Variants in GALNTL6 observed in about 807,000 individuals in gnomAD.
GALNTL6 encodes the protein polypeptide N-acetylgalactosaminyltransferase like 6.
A neutral mutation model predicts 73.7 loss-of-function variants in GALNTL6; 46 were observed. The observed-to-expected ratio is 0.62, with a 90% CI of 0.49 to 0.80. The LOEUF (loss-of-function observed/expected upper bound fraction) is 0.80, where lower values mean the gene tolerates loss of function less well. GALNTL6 is among the 30% of genes least tolerant of loss of function. The probability of loss-of-function intolerance (pLI) is 0.00; values close to 1 mark genes in which losing one functional copy is unlikely to be tolerated. For synonymous variants in GALNTL6, 259 were observed against 263.7 expected (o/e 0.98, Z 0.17); for missense variants, 604 against 755.0 (o/e 0.80, Z 2.34).
At chr4:172,641,560 C>T (rs578262476) in intron 5 of GALNTL6, among the ~76,000 whole-genome samples, 7 of 152,126 alleles carry the variant, frequency 4.6e-5, no homozygotes, top group South Asian at 4.1e-4. Flanking sequence ...TGGCTCGCTC[C>T]TTCACCTTCT....
chr4:172,092,999 G>A (rs1732248549), intron 2 of GALNTL6, among the ~76,000 whole-genome samples: 1 of 150,088 alleles, frequency 6.7e-6, no homozygotes, highest in Non-Finnish European at 1.5e-5. Flanking sequence ...TCAGCCTCCC[G>A]AGTAGCTGGG....
At chr4:172,166,219 G>A (rs1488790505) in intron 2 of GALNTL6, among the ~76,000 whole-genome samples, 1 of 152,172 alleles carries the variant, frequency 6.6e-6, no homozygotes, top group East Asian at 1.9e-4. Flanking sequence ...AGCACTTTGG[G>A]AGGCTGAGGC....
intron 2 of GALNTL6, among the ~76,000 whole-genome samples, chr4:171,913,284 C>T (rs1737525231): frequency 6.6e-6 from 1 of 152,162 alleles, no homozygotes; most frequent in African/African-American, 2.4e-5. Flanking sequence ...TGGAAAGAGG[C>T]ATTTATGGCT....
intron 5 of GALNTL6, among the ~76,000 whole-genome samples, chr4:172,531,732 G>A (rs949271735): frequency 5.9e-5 from 9 of 152,224 alleles, no homozygotes; most frequent in African/African-American, 2.2e-4. Flanking sequence ...ACTCTGAGCT[G>A]CCATGGGGCG....
At chr4:172,301,843 C>T (rs181447345) in intron 3 of GALNTL6, among the ~76,000 whole-genome samples, 20 of 152,160 alleles carry the variant, frequency 1.3e-4, no homozygotes, top group African/African-American at 4.8e-4. Flanking sequence ...GCAGTCTGTC[C>T]GTTCTCAGAT....
rs77984257 is a variant in GALNTL6 at position 172,342,954 on chromosome 4, A to G, written c.387-5569A>G. On this transcript the variant is annotated intron_variant, in intron 4 of 12. Transcript: ENST00000506823. ...AGTGTTCTCATTTATATCTACCACA[A>G]TGATTGACAGTGATCAAGATGTTGG... 8.2e-3 allele frequency among the ~76,000 whole-genome samples: 1,256 copies of G among 152,306 alleles called. 15 individuals are homozygous for G. The highest frequency in any genetic ancestry group is 0.028 in the African/African-American group (1,182 of 41,556).
intron 2 of GALNTL6, chr4:171,815,144 G>A (rs1430491914): frequency 4.6e-6 from 1 of 215,146 alleles, no homozygotes; most frequent in African/African-American, 2.3e-5. Context: ...AGATTGTGAA[G>A]TGGTTCTTTA....
At chr4:172,264,289 T>C (rs1325723506) in intron 3 of GALNTL6, among the ~76,000 whole-genome samples, 1 of 151,172 alleles carries the variant, frequency 6.6e-6, no homozygotes, top group Non-Finnish European at 1.5e-5. Context: ...CATTTCTACT[T>C]CCATTTTCTT....
At chr4:171,938,881 TA>T (rs943251001) in intron 2 of GALNTL6, among the ~76,000 whole-genome samples, 4 of 152,266 alleles carry the variant, frequency 2.6e-5, no homozygotes, top group African/African-American at 9.6e-5. Context: ...AAGTAGCAAC[TA>T]AAATGTAAAT....
rs188749813 is a variant in GALNTL6 at position 172,861,481 on chromosome 4, T to C, written c.924-21309T>C. On this transcript the variant is annotated intron_variant, in intron 7 of 12. Coordinates refer to ENST00000506823, the MANE Select transcript of GALNTL6 (RefSeq NM_001034845.3). ...ACTGTGGTTACCATAATGAAATCAG[T>C]GTCTTGTTCAGATTATATAGGAAGA... Among the ~76,000 whole-genome samples the C allele has an allele frequency of 2.1e-4, 32 of 152,266 alleles. No homozygotes were observed. The East Asian group carries it at 2.3e-3, about 11-fold the overall frequency.
chr4:173,006,189 C>T (rs975768744), intron 10 of GALNTL6, among the ~76,000 whole-genome samples: 3 of 152,172 alleles, frequency 2.0e-5, no homozygotes, highest in African/African-American at 7.2e-5. Flanking sequence ...AACCTGCAAG[C>T]AGCTGCTTTT....
intron 5 of GALNTL6, among the ~76,000 whole-genome samples, chr4:172,405,150 G>T (rs2111331359): frequency 6.6e-6 from 1 of 151,804 alleles, no homozygotes. Flanking sequence ...AGGCTTAATT[G>T]GTGCTTCATT....
chr4:172,769,887 C>G (rs1372035875), intron 5 of GALNTL6, among the ~76,000 whole-genome samples: 4 of 152,204 alleles, frequency 2.6e-5, no homozygotes, highest in Non-Finnish European at 4.4e-5. Context: ...TACAGTGTAA[C>G]TGCTAAAACA....
chr4:172,958,140 G>A (rs1374394584), intron 10 of GALNTL6, among the ~76,000 whole-genome samples: 1 of 152,186 alleles, frequency 6.6e-6, no homozygotes, highest in Non-Finnish European at 1.5e-5. Flanking sequence ...TCAGGTGTGA[G>A]GAAGAAAATA....
At chr4:171,888,367 A>T (rs13102493) in intron 2 of GALNTL6, among the ~76,000 whole-genome samples, 2,985 of 150,662 alleles carry the variant, frequency 0.02, 29 homozygotes, top group Non-Finnish European at 0.029. Context: ...TCAAATCTTA[A>T]AAACTATGTT....
chr4:172,772,285 T>G (rs953575799), intron 5 of GALNTL6, among the ~76,000 whole-genome samples: 8 of 152,154 alleles, frequency 5.3e-5, no homozygotes, highest in African/African-American at 1.7e-4. Context: ...TTATTTGTAA[T>G]GTATTAACAG....
At chr4:172,666,885 A>G (rs1194343145) in intron 5 of GALNTL6, 2 of 152,198 alleles carry the variant, frequency 1.3e-5, no homozygotes, top group African/African-American at 4.8e-5. Context: ...TTGTGTAACT[A>G]TTGCCTTCTA....
chr4:172,655,750 T>C (rs980197979), intron 5 of GALNTL6, among the ~76,000 whole-genome samples: 1 of 152,236 alleles, frequency 6.6e-6, no homozygotes, highest in Admixed American at 6.5e-5. Flanking sequence ...TTGGCAATTC[T>C]GTTCTTGAAA....
intron 7 of GALNTL6, among the ~76,000 whole-genome samples, chr4:172,860,572 A>G (rs1286611458): frequency 6.6e-6 from 1 of 152,196 alleles, no homozygotes; most frequent in Non-Finnish European, 1.5e-5. Context: ...TCTACCAAAA[A>G]GTGCTGCAAC....
Sources: allele counts gnomAD v4.1 joint callset (sites outside exome capture counted in the v4.1 genomes callset), GRCh38; gene constraint gnomAD v4.1.1; transcripts MANE v1.5; gene names NCBI Gene and HGNC (gene_info 2026-07-23, HGNC 2026-07-21).